The following ARHGEF3 variants were observed in gnomAD, a reference collection of about 807,000 sequenced individuals.
The protein encoded by ARHGEF3 is 59.8 kDA protein.
ARHGEF3 carries 28 observed loss-of-function variants against 63.2 expected under a neutral mutation model. The observed-to-expected ratio is 0.44, with a 90% CI of 0.33 to 0.61. ARHGEF3 has a LOEUF of 0.61. Ranked by LOEUF, ARHGEF3 falls within the 20% of genes least tolerant of loss-of-function variation. The probability of loss-of-function intolerance (pLI) is 0.03; values close to 1 mark genes in which losing one functional copy is unlikely to be tolerated. For synonymous variants in ARHGEF3, 266 were observed against 254.2 expected (o/e 1.05, Z -0.44); for missense variants, 533 against 659.3 (o/e 0.81, Z 2.10).
intron 4 of ARHGEF3, among the ~76,000 whole-genome samples, chr3:56,873,495 CTGTT>C (rs1343899923): frequency 6.6e-5 from 10 of 152,190 alleles, no homozygotes; most frequent in African/African-American, 2.2e-4. Context: ...ATTTGGTTGT[CTGTT>C]CGTGCGTTAG....
intron 2 of ARHGEF3, among the ~76,000 whole-genome samples, chr3:56,998,894 C>T (rs1702087967): frequency 1.3e-5 from 2 of 152,084 alleles, no homozygotes; most frequent in South Asian, 2.1e-4. Context: ...TGTTCTGGGC[C>T]CTCACAGTGT....
At chr3:56,741,864 C>T (rs1340939249) in intron 7 of ARHGEF3, among the ~76,000 whole-genome samples, 1 of 152,182 alleles carries the variant, frequency 6.6e-6, no homozygotes, top group African/African-American at 2.4e-5. Context: ...AAGTTACATA[C>T]AGTAGGCTGC....
chr3:56,795,426 A>C (rs1489677820), intron 1 of ARHGEF3, among the ~76,000 whole-genome samples: 1 of 152,166 alleles, frequency 6.6e-6, no homozygotes, highest in Non-Finnish European at 1.5e-5. Context: ...TCATCTTAAG[A>C]GCCAGAAAGA....
At chr3:56,908,174 T>C (rs2041754616) in intron 3 of ARHGEF3, among the ~76,000 whole-genome samples, 1 of 152,182 alleles carries the variant, frequency 6.6e-6, no homozygotes, top group South Asian at 2.1e-4. Context: ...ACTTCCCACC[T>C]GGGCAGCCAC....
intron 3 of ARHGEF3, among the ~76,000 whole-genome samples, chr3:56,936,481 C>T (rs1698909071): frequency 6.6e-6 from 1 of 152,178 alleles, no homozygotes; most frequent in Non-Finnish European, 1.5e-5. Context: ...CTCTCATCAG[C>T]GTCTACCCTG....
chr3:57,064,154 A>G (rs1471019981), intron 1 of ARHGEF3, among the ~76,000 whole-genome samples: 2 of 152,108 alleles, frequency 1.3e-5, no homozygotes, highest in Non-Finnish European at 2.9e-5. Flanking sequence ...CTGTAGTCCC[A>G]GCTAACCCGG....
chr3:57,037,437 A>T (rs73091937), intron 1 of ARHGEF3, among the ~76,000 whole-genome samples: 4,358 of 151,848 alleles, frequency 0.029, 102 homozygotes, highest in Middle Eastern at 0.048. Flanking sequence ...CAACCACAGG[A>T]CTCTCCTCAA....
At chr3:56,968,277 A>ATATAAATATAT (rs1700737461) in intron 2 of ARHGEF3, among the ~76,000 whole-genome samples, 2 of 27,764 alleles carry the variant, frequency 7.2e-5, no homozygotes, top group Non-Finnish European at 1.8e-4. Context: ...ATAATATATA[A>ATATAAATATAT]AATATATATA....
intron 3 of ARHGEF3, among the ~76,000 whole-genome samples, chr3:56,885,044 T>C (rs2040875103): frequency 6.6e-6 from 1 of 152,194 alleles, no homozygotes. Context: ...ATCCAGAATG[T>C]CTGGTAGTGT....
intron 4 of ARHGEF3, among the ~76,000 whole-genome samples, chr3:56,844,700 C>G (rs903925049): frequency 1.2e-4 from 18 of 152,110 alleles, no homozygotes; most frequent in African/African-American, 4.1e-4. Context: ...TTTCATGGAA[C>G]AAGGATTACA....
intron 2 of ARHGEF3, among the ~76,000 whole-genome samples, chr3:56,760,612 T>A (rs572226516): frequency 7.2e-5 from 11 of 152,066 alleles, no homozygotes; most frequent in Non-Finnish European, 1.2e-4. Context: ...AAGTTGGGGG[T>A]TTATTCCCAT....
chr3:57,035,962 T>C (rs910835328), intron 1 of ARHGEF3, among the ~76,000 whole-genome samples: 9 of 152,240 alleles, frequency 5.9e-5, no homozygotes, highest in African/African-American at 2.2e-4. Flanking sequence ...CCTGGTTTTA[T>C]GGGTTGTGAA....
At chr3:57,038,056 T>C (rs1021959325) in intron 1 of ARHGEF3, among the ~76,000 whole-genome samples, 2 of 152,190 alleles carry the variant, frequency 1.3e-5, no homozygotes, top group Non-Finnish European at 2.9e-5. Flanking sequence ...CAGGGACTGT[T>C]ACCATCTCAC....
chr3:56,880,102 A>C (rs950798138), intron 4 of ARHGEF3, among the ~76,000 whole-genome samples: 1 of 152,230 alleles, frequency 6.6e-6, no homozygotes, highest in Non-Finnish European at 1.5e-5. Flanking sequence ...CAACTTCTGC[A>C]ATTATTATAA....
intron 3 of ARHGEF3, among the ~76,000 whole-genome samples, chr3:56,954,932 G>A (rs947673266): frequency 1.3e-5 from 2 of 152,140 alleles, no homozygotes; most frequent in Admixed American, 6.5e-5. Context: ...AGACGGGGGT[G>A]CAATACAACT....
At chr3:57,004,155 G>A (rs1039478575) in intron 2 of ARHGEF3, among the ~76,000 whole-genome samples, 2 of 152,318 alleles carry the variant, frequency 1.3e-5, no homozygotes, top group Admixed American at 1.3e-4. Flanking sequence ...GTGCGAACCT[G>A]AGGGAAGGTG....
At chr3:56,967,927 A>G (rs1295788684) in intron 2 of ARHGEF3, among the ~76,000 whole-genome samples, 1 of 70,236 alleles carries the variant, frequency 1.4e-5, no homozygotes, top group Non-Finnish European at 2.4e-5. Flanking sequence ...TATATTATAT[A>G]TAATATAAAA....
chr3:57,059,088 A>T (rs893371284), intron 1 of ARHGEF3, among the ~76,000 whole-genome samples: 5 of 152,052 alleles, frequency 3.3e-5, no homozygotes, highest in African/African-American at 1.2e-4. Context: ...ACATGTATAG[A>T]TATGTAACAA....
intron 4 of ARHGEF3, among the ~76,000 whole-genome samples, chr3:56,837,328 C>T (rs543718297): frequency 2.6e-5 from 4 of 152,210 alleles, no homozygotes; most frequent in Non-Finnish European, 4.4e-5. Context: ...CACGGTTGAC[C>T]GAGTTCATGT....
Sources: allele counts gnomAD v4.1 joint callset (sites outside exome capture counted in the v4.1 genomes callset), GRCh38; gene constraint gnomAD v4.1.1; transcripts MANE v1.5; gene names NCBI Gene and HGNC (gene_info 2026-07-23, HGNC 2026-07-21).